TP53I3: variants seen among roughly 807,000 people sequenced by gnomAD.
TP53I3 encodes quinone oxidoreductase PIG3.
Under a neutral mutation model 27.7 loss-of-function variants are expected in TP53I3, and 32 were observed. The observed-to-expected ratio is 1.16, with a 90% CI of 0.87 to 1.55. TP53I3 has a LOEUF of 1.55. Among genes scored for constraint, TP53I3 ranks in the 40% most tolerant of loss-of-function variants. The pLI is 0.00. For synonymous variants in TP53I3, 138 were observed against 167.8 expected (o/e 0.82, Z 1.37); for missense variants, 372 against 412.3 (o/e 0.90, Z 0.85).
At position 24,077,747 on chromosome 2, in the gene TP53I3, C is replaced by T; in HGVS notation, c.831G>A (p.Leu277=). 2 of 1,613,648 alleles carry T rather than the reference C, an allele frequency of 1.2e-6. No individual in the cohort carries two copies. The highest frequency in any genetic ancestry group is 1.7e-6 in the Non-Finnish European group (2 of 1,179,710). ...GAATTTGCTCCGTGAAAGCATTCAC[C>T]AGCATTTGCTTGTACTAAGACAAGG... ...RSRDNKYKQM[L]VNAFTEQILP... Residue 277 remains leucine, a synonymous_variant, in exon 5 of 5, where the codon CTG becomes CTA. Coordinates refer to ENST00000238721, the MANE Select transcript of TP53I3 (RefSeq NM_004881.5). This position sits in a 1 kb window ranked among gnomAD's most constrained non-coding sequence, Gnocchi z 5.5.
intron 4 of TP53I3, 65 bp downstream of exon 4, chr2:24,079,379 G>C: frequency 6.5e-7 from 1 of 1,538,846 alleles, no homozygotes; most frequent in South Asian, 1.2e-5. Context: ...CCTTTCTCGG[G>C]GTAATGTAAA....
At chr2:24,082,264 G>A (rs192173733) in intron 2 of TP53I3, among the ~76,000 whole-genome samples, 14 of 152,330 alleles carry the variant, frequency 9.2e-5, no homozygotes, top group African/African-American at 3.4e-4. Context: ...GATTATAGGT[G>A]TGAGCCACCT....
At chr2:24,078,176 G>C (rs1198003925) in intron 4 of TP53I3, among the ~76,000 whole-genome samples, 1 of 152,106 alleles carries the variant, frequency 6.6e-6, no homozygotes, top group African/African-American at 2.4e-5. Flanking sequence ...TCTTCCACTA[G>C]TTTTACACCC....
At chr2:24,082,062 A>G (rs1665032356) in intron 2 of TP53I3, among the ~76,000 whole-genome samples, 2 of 152,178 alleles carry the variant, frequency 1.3e-5, no homozygotes, top group Middle Eastern at 3.4e-3. Flanking sequence ...TGGCATGATC[A>G]TGGCTCACTG....
chr2:24,081,253 C>T (rs971157375), intron 2 of TP53I3, among the ~76,000 whole-genome samples: 12 of 152,188 alleles, frequency 7.9e-5, no homozygotes, highest in East Asian at 1.9e-4. Context: ...AGCATATTGA[C>T]GACCTTTTCT....
chr2:24,084,452 C>G lies in TP53I3; in HGVS notation c.-126G>C, dbSNP rs1665172088. ...GTATCCTCGCGGAGCAGCCCAGCCT[C>G]AGGCTGGCACCGCAGCGCCCCCTGC... On this transcript the variant is annotated 5_prime_UTR_variant, in exon 1 of 5. Transcript: ENST00000238721. This position sits in a 1 kb window ranked among gnomAD's most constrained non-coding sequence, Gnocchi z 8.4. The G allele has an allele frequency of 8.2e-7, 1 of 1,226,088 alleles. No individual in the cohort carries two copies. Among genetic ancestry groups the G allele is most frequent in the Non-Finnish European group, 1.1e-6 (1 of 932,342 alleles). 76.0% of individuals were successfully genotyped at this position (1,226,088 alleles called of 1,614,324 possible).
intron 2 of TP53I3, among the ~76,000 whole-genome samples, chr2:24,081,826 G>T (rs946359409): frequency 2.0e-5 from 3 of 151,144 alleles, no homozygotes; most frequent in Non-Finnish European, 4.4e-5. Flanking sequence ...TTCCTGAGTA[G>T]CTGGGACTAC....
intron 4 of TP53I3, among the ~76,000 whole-genome samples, chr2:24,078,480 TAAAAAAAAAA>T (rs36089798): frequency 9.5e-6 from 1 of 104,954 alleles, no homozygotes; most frequent in Non-Finnish European, 1.9e-5. Flanking sequence ...CCTGTCTCCA[TAAAAAAAAAA>T]AAAAAAAAAA....
chr2:24,081,228 T>C (rs935915090), intron 2 of TP53I3, among the ~76,000 whole-genome samples, 197 bp from the exon 3 acceptor site: 1 of 152,200 alleles, frequency 6.6e-6, no homozygotes, highest in Non-Finnish European at 1.5e-5. Flanking sequence ...TCTTGTTCTT[T>C]GGAGAAAGAA....
At chr2:24,078,631 CTTCTG>C (rs1284652562) in intron 4 of TP53I3, among the ~76,000 whole-genome samples, 3 of 152,244 alleles carry the variant, frequency 2.0e-5, no homozygotes, top group East Asian at 1.9e-4. Flanking sequence ...AAATGTGTAA[CTTCTG>C]TTCTGTACCA....
At chr2:24,082,440 T>C (rs1322170839) in intron 2 of TP53I3, among the ~76,000 whole-genome samples, 1 of 152,236 alleles carries the variant, frequency 6.6e-6, no homozygotes, top group Non-Finnish European at 1.5e-5. Context: ...CTAAACTCTA[T>C]GGTCATCTGA....
chr2:24,078,480 T>TAAAAAAAA (rs36089798), intron 4 of TP53I3, among the ~76,000 whole-genome samples: 1 of 104,954 alleles, frequency 9.5e-6, no homozygotes. Flanking sequence ...CCTGTCTCCA[T>TAAAAAAAA]AAAAAAAAAA....
intron 4 of TP53I3, chr2:24,078,856 T>C (rs1664873200): frequency 6.6e-6 from 1 of 152,310 alleles, no homozygotes; most frequent in Admixed American, 6.5e-5. Context: ...GACTGCCAGA[T>C]GGAATATTTC....
Position 24,077,495 on chromosome 2 carries a change from T to A in TP53I3, c.*84A>T, listed in dbSNP as rs1664801226. 4.2e-6 allele frequency: 6 copies of A among 1,439,898 alleles called. No homozygotes were observed. Among genetic ancestry groups the A allele is most frequent in the Non-Finnish European group, 3.7e-6 (4 of 1,078,742 alleles). 89.2% of individuals were successfully genotyped at this position (1,439,898 alleles called of 1,614,324 possible). ...ACGGCTCTGGAGGAAGCACCGGGTTTCTTGGCCTGTCTATTGTGAATCTTC... is the reference window on the plus strand; with the variant it reads ...ACGGCTCTGGAGGAAGCACCGGGTTACTTGGCCTGTCTATTGTGAATCTTC... On this transcript the variant is annotated 3_prime_UTR_variant, in exon 5 of 5. Coordinates refer to ENST00000238721, the MANE Select transcript of TP53I3 (RefSeq NM_004881.5). This position sits in a 1 kb window ranked among gnomAD's most constrained non-coding sequence, Gnocchi z 5.5.
chr2:24,082,881 T>A lies in TP53I3; in HGVS notation c.406+4A>T. On this transcript the variant is annotated splice_donor_region_variant and intron_variant, in intron 2 of 4. Transcript: ENST00000238721. ...GTGTGGAGTGAGCATGGAGGCCTCC[T>A]CACCCACAAGATGTAACAGCTGGAA... 6.3e-7 allele frequency: 1 copy of A among 1,599,762 alleles called. No individual in the cohort carries two copies. The highest frequency in any genetic ancestry group is 8.5e-7 in the Non-Finnish European group (1 of 1,171,366).
At position 24,082,962 on chromosome 2, in the gene TP53I3, G is replaced by A; in HGVS notation, c.329C>T (p.Pro110Leu). 1 of 1,614,144 alleles carries A rather than the reference G, an allele frequency of 6.2e-7. No individual in the cohort carries two copies. Among genetic ancestry groups the A allele is most frequent in the South Asian group, 1.1e-5 (1 of 91,072 alleles). ...TVPEGLLMPI[P>L]EGLTLTQAAA... ...AGCCTGGGTCAGGGTCAATCCCTCT[G>A]GGATAGGCATGAGGAGCCCTTCGGG... Residue 110 changes from proline (P) to leucine (L), a missense_variant, in exon 2 of 5, where the codon CCA becomes CTA. Physicochemically the swap from Pro to Leu is moderately conservative, Grantham distance 98. Coordinates refer to ENST00000238721, the MANE Select transcript of TP53I3 (RefSeq NM_004881.5).
chr2:24,081,086 C>T, intron 2 of TP53I3, 55 bp from the exon 3 acceptor site: 1 of 1,512,636 alleles, frequency 6.6e-7, no homozygotes, highest in Non-Finnish European at 9.0e-7. Context: ...ACATTCCCCA[C>T]ACAGGCATAT....
rs376166419 is a variant in TP53I3 at position 24,079,646 on chromosome 2, A to C, written c.620-6T>G. ...AATAAGATTAACTCCAGCACCTTCC[A>C]TAGGAAACAGATTTGTGATGCTAGT... On this transcript the variant is annotated splice_polypyrimidine_tract_variant and splice_region_variant and intron_variant, in intron 3 of 4. Coordinates refer to ENST00000238721, the MANE Select transcript of TP53I3 (RefSeq NM_004881.5). 6 of 1,612,532 alleles carry C rather than the reference A, an allele frequency of 3.7e-6. No homozygotes were observed. Among genetic ancestry groups the C allele is most frequent in the Non-Finnish European group, 5.1e-6 (6 of 1,179,036 alleles).
intron 4 of TP53I3, chr2:24,078,840 C>G (rs575540186): frequency 1.3e-5 from 2 of 152,664 alleles, no homozygotes; most frequent in Non-Finnish European, 2.9e-5. Flanking sequence ...AAGGTGGTAC[C>G]TGCTAGACTG....
Sources: gnomAD v4.1 joint callset for allele counts (sites outside exome capture counted in the v4.1 genomes callset) on GRCh38, gnomAD v4.1.1 for gene constraint, Gnocchi (gnomAD v3.1) non-coding constraint, MANE v1.5 for transcripts, NCBI Gene and HGNC (gene_info 2026-07-23, HGNC 2026-07-21) for gene names.